The following EML1 variants were observed in gnomAD, a reference collection of about 807,000 sequenced individuals.
EML1 encodes echinoderm microtubule-associated protein-like 1.
In EML1, 27 loss-of-function variants were observed where a neutral mutation model predicts 110.4. The observed-to-expected ratio is 0.24, with a 90% CI of 0.18 to 0.34. The LOEUF (loss-of-function observed/expected upper bound fraction) is 0.34. Ranked by LOEUF, EML1 falls within the 10% of genes least tolerant of loss-of-function variation. The pLI is 1.00. For missense variants in EML1, 741 were observed against 1,030.9 expected, an observed-to-expected ratio of 0.72 and a Z score of 3.85; for synonymous variants, 344 against 385.8, an observed-to-expected ratio of 0.89 and a Z score of 1.27.
chr14:99,737,744 G>A (rs2056985728), exon 1 of EML1: 4 of 1,255,798 alleles, frequency 3.2e-6, no homozygotes, highest in Non-Finnish European at 4.2e-6. Context: ...ACGCGGAGGA[G>A]CCCCAAGCCC....
chr14:99,768,356 C>G (rs546384442), upstream of EML1, among the ~76,000 whole-genome samples: 1 of 152,092 alleles, frequency 6.6e-6, no homozygotes, highest in African/African-American at 2.4e-5. Context: ...CTCACGGAGC[C>G]GCTGTCTGAG....
rs558723350 is a variant in EML1, at chr14:99,756,048, G to A, written c.28+18188G>A. Among the ~76,000 whole-genome samples, 135 of 152,330 alleles carry A rather than the reference G, an allele frequency of 8.9e-4. 2 individuals carry two copies. Among genetic ancestry groups the A allele is most frequent in the Non-Finnish European group, 1.6e-3 (108 of 68,034 alleles). ...CCCCTCGCCTAGCCAGGATGGCTCC[G>A]CAAGAGGACAACATCTCACCCCAGG... On this transcript the variant is annotated intron_variant, in intron 1 of 10. Transcript: ENST00000554479.
intron 1 of EML1, among the ~76,000 whole-genome samples, chr14:99,844,284 A>G (rs1424022060): frequency 1.3e-5 from 2 of 152,060 alleles, no homozygotes; most frequent in African/African-American, 2.4e-5. Context: ...TTCAAGACCA[A>G]CCTGGCCCAC....
chr14:99,777,574 C>A (rs1403413057), intron 1 of EML1, among the ~76,000 whole-genome samples: 1 of 152,154 alleles, frequency 6.6e-6, no homozygotes, highest in Non-Finnish European at 1.5e-5. Context: ...CACCTGCCAC[C>A]AAGCCCAGCT....
At chr14:99,902,729 A>T (rs1479109744) in intron 9 of EML1, among the ~76,000 whole-genome samples, 1 of 152,228 alleles carries the variant, frequency 6.6e-6, no homozygotes, top group Non-Finnish European at 1.5e-5. Flanking sequence ...CCATAGGTTT[A>T]TATTCTCAAA....
chr14:99,782,422 C>T (rs558020725), intron 1 of EML1, among the ~76,000 whole-genome samples: 83 of 152,224 alleles, frequency 5.5e-4, no homozygotes, highest in Admixed American at 9.2e-4. Context: ...GTGTGACCTG[C>T]GGCGTGTTTG....
chr14:99,893,336 G>A (rs576490796), intron 5 of EML1, among the ~76,000 whole-genome samples: 1 of 152,310 alleles, frequency 6.6e-6, no homozygotes, highest in Admixed American at 6.5e-5. Context: ...ACAGCCTGTG[G>A]TGATGGGGCC....
intron 2 of EML1, among the ~76,000 whole-genome samples, chr14:99,856,676 TTAGA>T (rs1220037601): frequency 1.3e-5 from 2 of 152,308 alleles, no homozygotes; most frequent in African/African-American, 2.4e-5. Flanking sequence ...CCTCTCCAGT[TTAGA>T]TAGATATTCT....
intron 1 of EML1, among the ~76,000 whole-genome samples, chr14:99,831,005 A>G (rs2058440758): frequency 2.0e-5 from 3 of 152,200 alleles, no homozygotes; most frequent in Admixed American, 2.0e-4. Flanking sequence ...TGGATCAAGA[A>G]TACTGTCCTG....
intron 1 of EML1, among the ~76,000 whole-genome samples, chr14:99,749,335 C>T (rs2057149773): frequency 6.6e-6 from 1 of 150,926 alleles, no homozygotes; most frequent in Non-Finnish European, 1.5e-5. Flanking sequence ...ACTGTCTTCT[C>T]GCCCCCCCAG....
chr14:99,855,175 A>C (rs2058881673), intron 2 of EML1, among the ~76,000 whole-genome samples: 1 of 152,248 alleles, frequency 6.6e-6, no homozygotes, highest in Admixed American at 6.5e-5. Flanking sequence ...ATACTGTATC[A>C]TTTCAACTAA....
intron 1 of EML1, among the ~76,000 whole-genome samples, chr14:99,831,578 A>G (rs1250768470): frequency 6.6e-6 from 1 of 152,196 alleles, no homozygotes; most frequent in East Asian, 1.9e-4. Flanking sequence ...CTGGCTGCTG[A>G]AATATGTGGT....
chr14:99,768,360 G>C (rs142909402), upstream of EML1, among the ~76,000 whole-genome samples: 193 of 152,326 alleles, frequency 1.3e-3, no homozygotes, highest in African/African-American at 4.5e-3. Context: ...CGGAGCCGCT[G>C]TCTGAGCTGG....
chr14:99,935,549 C>G (rs578135670), intron 17 of EML1, among the ~76,000 whole-genome samples: 7 of 152,004 alleles, frequency 4.6e-5, no homozygotes, highest in Non-Finnish European at 1.0e-4. Context: ...TTTGGGAGGC[C>G]GAGGCGGGCG....
rs780972515 is a variant in EML1 at position 99,898,197 on chromosome 14, C to T, written c.828-36C>T. On this transcript the variant is annotated intron_variant, in intron 7 of 21. Transcript: ENST00000262233. ...GCAAGGGAAAAGTAAAACTTACCTG[C>T]AACATGTAGATGTTTTGTAAATATC... The T allele has an allele frequency of 7.2e-6, 11 of 1,528,306 alleles. No individual in the cohort carries two copies. In the South Asian group the frequency reaches 1.3e-4, roughly 18 times the overall value. 94.7% of individuals were successfully genotyped at this position (1,528,306 alleles called of 1,614,324 possible).
At chr14:99,774,878 C>A (rs1365483410) in intron 1 of EML1, among the ~76,000 whole-genome samples, 2 of 152,076 alleles carry the variant, frequency 1.3e-5, no homozygotes, top group African/African-American at 4.8e-5. Flanking sequence ...ATTGCAAAAC[C>A]CACTGACAGC....
chr14:99,922,362 C>T (rs2060144764), intron 17 of EML1, among the ~76,000 whole-genome samples: 1 of 152,242 alleles, frequency 6.6e-6, no homozygotes, highest in African/African-American at 2.4e-5. Context: ...GTGATCCACC[C>T]ACCTCGGCCT....
chr14:99,766,689 G>A (rs2057372259), intron 1 of EML1, among the ~76,000 whole-genome samples: 1 of 152,088 alleles, frequency 6.6e-6, no homozygotes, highest in Admixed American at 6.5e-5. Flanking sequence ...ATTTCTCTTG[G>A]AAAATGTTAA....
chr14:99,850,064 G>A, intron 1 of EML1: 1 of 347,004 alleles, frequency 2.9e-6, no homozygotes. Context: ...TGAGTAGCTG[G>A]TACTACAGGC....
Sources: gnomAD v4.1 joint callset for allele counts (sites outside exome capture counted in the v4.1 genomes callset) on GRCh38, gnomAD v4.1.1 for gene constraint, MANE v1.5 for transcripts, NCBI Gene and HGNC (gene_info 2026-07-23, HGNC 2026-07-21) for gene names.